The following PCNP variants were observed in gnomAD, a reference collection of about 807,000 sequenced individuals.
PCNP encodes the protein PEST proteolytic signal containing nuclear protein, also known as PEST proteolytic signal-containing nuclear protein.
In PCNP, 6 loss-of-function variants were observed where a neutral mutation model predicts 21.8. The ratio of observed to expected loss-of-function variants is 0.28; its 90% CI spans 0.15 to 0.54. The LOEUF (loss-of-function observed/expected upper bound fraction) is 0.54, where lower values mean the gene tolerates loss of function less well. Ranked by LOEUF, PCNP falls within the 20% of genes least tolerant of loss-of-function variation. The pLI is 0.95. For missense variants in PCNP, 161 were observed against 215.5 expected, an observed-to-expected ratio of 0.75 and a Z score of 1.58; for synonymous variants, 67 against 73.2, an observed-to-expected ratio of 0.92 and a Z score of 0.43.
At chr3:101,575,834 G>A (rs1177918064) in intron 1 of PCNP, among the ~76,000 whole-genome samples, 1 of 152,180 alleles carries the variant, frequency 6.6e-6, no homozygotes, top group African/African-American at 2.4e-5. Flanking sequence ...TCTATAGTAT[G>A]AATATTGATG....
At position 101,579,977 on chromosome 3, in the gene PCNP, A is replaced by C; in HGVS notation, c.252A>C (p.Ser84=). Residue 84 remains serine, a synonymous_variant, in exon 2 of 5, where the codon TCA becomes TCC. Coordinates refer to ENST00000265260, the MANE Select transcript of PCNP (RefSeq NM_020357.3). ...GTAGTCAGACGACAAAGAAAGCATC[A>C]GCCATATCCATCAAACTTGGATCAA... ...AIGSQTTKKA[S]AISIKLGSSK... The C allele has an allele frequency of 6.2e-7, 1 of 1,613,680 alleles. No individual in the cohort carries two copies. Among genetic ancestry groups the C allele is most frequent in the Non-Finnish European group, 8.5e-7 (1 of 1,179,544 alleles).
intron 1 of PCNP, among the ~76,000 whole-genome samples, chr3:101,579,050 C>CAT (rs1935084020): frequency 6.6e-6 from 1 of 152,052 alleles, no homozygotes; most frequent in African/African-American, 2.4e-5. Flanking sequence ...TCCAAACCTA[C>CAT]ATATGTATGC....
intron 1 of PCNP, chr3:101,576,652 A>G: frequency 5.6e-6 from 9 of 1,611,906 alleles, no homozygotes; most frequent in Admixed American, 1.7e-5. Flanking sequence ...ACCATTGGCT[A>G]GGACCTGGCT....
chr3:101,585,062 G>C (rs544646083), intron 2 of PCNP, among the ~76,000 whole-genome samples: 3 of 152,278 alleles, frequency 2.0e-5, no homozygotes, highest in Non-Finnish European at 4.4e-5. Context: ...TATGTTTATA[G>C]GCCTAGAGGC....
intron 2 of PCNP, among the ~76,000 whole-genome samples, chr3:101,582,420 C>T (rs530450084): frequency 1.5e-4 from 23 of 152,218 alleles, no homozygotes; most frequent in African/African-American, 5.3e-4. Context: ...CACTGCACTC[C>T]AGCCTCGCAA....
intron 3 of PCNP, among the ~76,000 whole-genome samples, chr3:101,587,874 C>T (rs566118992): frequency 5.9e-5 from 9 of 152,152 alleles, no homozygotes; most frequent in Admixed American, 4.6e-4. Context: ...TAAGCACCTA[C>T]ATTACAACAA....
intron 3 of PCNP, among the ~76,000 whole-genome samples, chr3:101,586,472 C>T (rs1440202805): frequency 8.0e-5 from 12 of 150,670 alleles, no homozygotes; most frequent in Non-Finnish European, 1.5e-5. Context: ...CATGATGTGA[C>T]GTCATTGTGT....
In PCNP at chr3:101,574,282, G is replaced by A; in HGVS notation, c.64+3G>A. 6.5e-7 allele frequency: 1 copy of A among 1,541,418 alleles called. No individual in the cohort carries two copies. The highest frequency in any genetic ancestry group is 8.8e-7 in the Non-Finnish European group (1 of 1,140,958). ...GCAGCGAGCTGGAGCCGCCGGAGGT[G>A]AACACAACCCCAGCGTCGTGGGCAG... On this transcript the variant is annotated splice_donor_region_variant and intron_variant, in intron 1 of 4. Transcript: ENST00000265260.
intron 2 of PCNP, 127 bp from the exon 3 acceptor site, chr3:101,585,310 G>A: frequency 1.7e-6 from 1 of 584,866 alleles, no homozygotes; most frequent in Non-Finnish European, 2.9e-6. Context: ...CAAAGTATTG[G>A]GTTCGTTACT....
chr3:101,586,622 T>TTTCTTGTTTCAGAGAGAGAGAGAGAGAGA (rs1935541759), intron 3 of PCNP, among the ~76,000 whole-genome samples: 11 of 134,586 alleles, frequency 8.2e-5, no homozygotes, highest in South Asian at 2.4e-4. Context: ...AGAGAGAGAG[T>TTTCTTGTTTCAGAGAGAGAGAGAGAGAGA]GTGTCTTGCT....
chr3:101,588,884 A>T (rs9844562), intron 3 of PCNP, among the ~76,000 whole-genome samples: 58,966 of 152,144 alleles, frequency 0.39, 12,509 homozygotes, highest in Non-Finnish European at 0.48. Flanking sequence ...AAGAGTGTTA[A>T]CTTTGATCAT....
intron 3 of PCNP, among the ~76,000 whole-genome samples, chr3:101,587,088 T>C (rs1935568562): frequency 6.6e-6 from 1 of 151,060 alleles, no homozygotes; most frequent in South Asian, 2.1e-4. Context: ...CCGTCTCTAC[T>C]AAAAATACAA....
At chr3:101,578,088 C>A (rs1576606328) in intron 1 of PCNP, among the ~76,000 whole-genome samples, 1 of 152,068 alleles carries the variant, frequency 6.6e-6, no homozygotes, top group South Asian at 2.1e-4. Flanking sequence ...AAAAACTGAT[C>A]ATGTATTTAG....
chr3:101,577,167 A>T (rs904223227), intron 1 of PCNP, among the ~76,000 whole-genome samples: 1 of 152,108 alleles, frequency 6.6e-6, no homozygotes, highest in Non-Finnish European at 1.5e-5. Flanking sequence ...TATTTGAACT[A>T]CCTGCTTTAA....
chr3:101,583,659 G>C (rs1338660378), intron 2 of PCNP, among the ~76,000 whole-genome samples: 6 of 151,470 alleles, frequency 4.0e-5, no homozygotes, highest in Non-Finnish European at 8.8e-5. Flanking sequence ...TTTGTTTTTT[G>C]GATTTTGAGA....
chr3:101,589,197 A>G (rs1374533788), intron 3 of PCNP, among the ~76,000 whole-genome samples: 2 of 152,172 alleles, frequency 1.3e-5, no homozygotes, highest in Non-Finnish European at 2.9e-5. Flanking sequence ...ATTCAAGTGT[A>G]TACTCATGGA....
chr3:101,577,841 A>C (rs1220086817), intron 1 of PCNP, among the ~76,000 whole-genome samples: 1 of 152,102 alleles, frequency 6.6e-6, no homozygotes, highest in Non-Finnish European at 1.5e-5. Flanking sequence ...TAATTTTTTC[A>C]AAGTAAGGTA....
intron 1 of PCNP, chr3:101,576,601 T>G: frequency 6.2e-7 from 1 of 1,610,966 alleles, no homozygotes; most frequent in East Asian, 2.2e-5. Context: ...GGCCCGAATC[T>G]TCTTCAGTCG....
At chr3:101,577,642 A>G (rs1934997476) in intron 1 of PCNP, among the ~76,000 whole-genome samples, 1 of 152,210 alleles carries the variant, frequency 6.6e-6, no homozygotes, top group South Asian at 2.1e-4. Context: ...CTCCTGCCTC[A>G]GCCTCCTGAG....
Sources: allele counts gnomAD v4.1 joint callset (sites outside exome capture counted in the v4.1 genomes callset), GRCh38; gene constraint gnomAD v4.1.1; transcripts MANE v1.5; gene names NCBI Gene and HGNC (gene_info 2026-07-23, HGNC 2026-07-21).